The following ELAPOR1 variants were observed in gnomAD, a reference collection of about 807,000 sequenced individuals.
ELAPOR1 encodes endosome/lysosome-associated apoptosis and autophagy regulator 1.
In ELAPOR1, 77 loss-of-function variants were observed where a neutral mutation model predicts 119.7. The ratio of observed to expected loss-of-function variants is 0.64; its 90% confidence interval spans 0.54 to 0.78. ELAPOR1 has a LOEUF of 0.78. ELAPOR1 is among the 30% of genes least tolerant of loss of function. The pLI is 0.00. For synonymous variants in ELAPOR1, 481 were observed against 487.2 expected (o/e 0.99, Z 0.17); for missense variants, 1,115 against 1,270.4 (o/e 0.88, Z 1.86).
intron 7 of ELAPOR1, among the ~76,000 whole-genome samples, chr1:109,174,113 A>C (rs557404629): frequency 9.2e-5 from 14 of 151,402 alleles, no homozygotes; most frequent in Admixed American, 3.3e-4. Context: ...CCCTGTCCCA[A>C]GCAATCCTCC....
intron 1 of ELAPOR1, among the ~76,000 whole-genome samples, chr1:109,147,072 A>ATTTTTTT (rs35132655): frequency 7.1e-6 from 1 of 141,256 alleles, no homozygotes; most frequent in Non-Finnish European, 1.5e-5. Flanking sequence ...CGCCTGGCTA[A>ATTTTTTT]TTTTTTTTTT....
chr1:109,199,430 T>C (rs1654024102), intron 18 of ELAPOR1, among the ~76,000 whole-genome samples: 1 of 152,148 alleles, frequency 6.6e-6, no homozygotes, highest in Non-Finnish European at 1.5e-5. Flanking sequence ...GTAAAGTACA[T>C]AACAGGTATC....
rs12021832 is a variant in ELAPOR1, at chr1:109,206,102, C to T, written c.*3090C>T. On this transcript the variant is annotated 3_prime_UTR_variant, in exon 22 of 22. Transcript: ENST00000369939. ...TGATCTTGGCTCACTGCAGCCTCCCCATCCTGGGTTCAAGTGATCCTTCTG... is the reference window on the plus strand; with the variant it reads ...TGATCTTGGCTCACTGCAGCCTCCCTATCCTGGGTTCAAGTGATCCTTCTG... The T allele has an allele frequency of 0.19, 29,189 of 151,984 alleles. 3,113 individuals carry two copies. Among genetic ancestry groups the T allele is most frequent in the East Asian group, 0.45 (2,311 of 5,144 alleles). The allele number at this position is 151,984 out of a possible 1,614,324, so 9.4% of individuals were successfully genotyped here. A position where few individuals can be genotyped will look rare whatever the true frequency, so the allele number is the denominator to read the frequency against.
intron 7 of ELAPOR1, among the ~76,000 whole-genome samples, chr1:109,182,340 AATAATAAT>A (rs1652749659): frequency 1.5e-4 from 1 of 6,742 alleles, no homozygotes; most frequent in Non-Finnish European, 5.5e-4. Flanking sequence ...AAAAAATAAT[AATAATAAT>A]AATAATAATA....
chr1:109,191,248 G>A (rs892479823), intron 11 of ELAPOR1, 118 bp from the exon 12 acceptor site: 17 of 660,472 alleles, frequency 2.6e-5, no homozygotes, highest in East Asian at 1.4e-4. Flanking sequence ...TAGTCCACAC[G>A]CTTTCCATCA....
chr1:109,133,531 C>G (rs944039600), intron 1 of ELAPOR1, among the ~76,000 whole-genome samples: 1 of 152,152 alleles, frequency 6.6e-6, no homozygotes, highest in Admixed American at 6.5e-5. Context: ...CAATTAGTTA[C>G]TATGGTTACT....
chr1:109,171,806 T>A, intron 3 of ELAPOR1, 60 bp from the exon 4 acceptor site: 1 of 1,574,272 alleles, frequency 6.4e-7, no homozygotes, highest in Non-Finnish European at 8.7e-7. Flanking sequence ...GACCTGCACA[T>A]GGCACAAAGC....
chr1:109,182,544 A>G (rs1454993886), intron 7 of ELAPOR1, among the ~76,000 whole-genome samples: 2 of 152,044 alleles, frequency 1.3e-5, no homozygotes, highest in Non-Finnish European at 2.9e-5. Context: ...ATGATGAAGC[A>G]GGATCCAAAC....
chr1:109,182,705 A>G (rs1257224437), intron 7 of ELAPOR1, among the ~76,000 whole-genome samples: 1 of 151,956 alleles, frequency 6.6e-6, no homozygotes, highest in Admixed American at 6.6e-5. Flanking sequence ...GTCTCTACTA[A>G]AAATACAAAA....
In ELAPOR1 at chr1:109,123,556, G is replaced by C. The variant is rs1226554063; in HGVS notation, c.153+9220G>C. Among the ~76,000 whole-genome samples, 5 of 152,282 alleles carry C rather than the reference G, an allele frequency of 3.3e-5. No individual in the cohort carries two copies. The East Asian group carries it at 9.7e-4, about 29-fold the overall frequency. ...GCATACAAAGTGTTGATTTGAATGAGATGAACTTTAAATTTCTCTATTCCC... is the reference window on the plus strand; with the variant it reads ...GCATACAAAGTGTTGATTTGAATGACATGAACTTTAAATTTCTCTATTCCC... On this transcript the variant is annotated intron_variant, in intron 1 of 21. Transcript: ENST00000369939.
chr1:109,185,172 G>A (rs763149677), intron 8 of ELAPOR1, 39 bp downstream of exon 8: 10 of 1,479,918 alleles, frequency 6.8e-6, no homozygotes, highest in Non-Finnish European at 7.6e-6. Flanking sequence ...GCCCCAGATG[G>A]ACTGTCTCCC....
At chr1:109,191,104 C>T (rs539046277) in intron 11 of ELAPOR1, among the ~76,000 whole-genome samples, 10 of 152,244 alleles carry the variant, frequency 6.6e-5, no homozygotes, top group African/African-American at 1.9e-4. Flanking sequence ...ACCGCCACAT[C>T]TGTCATGCCT....
chr1:109,156,320 T>C (rs1311637031), intron 1 of ELAPOR1, among the ~76,000 whole-genome samples: 1 of 152,108 alleles, frequency 6.6e-6, no homozygotes, highest in Non-Finnish European at 1.5e-5. Context: ...AAAATAAAAT[T>C]GTGGTAAAAT....
chr1:109,155,186 T>C (rs1355593393), intron 1 of ELAPOR1, among the ~76,000 whole-genome samples: 1 of 149,524 alleles, frequency 6.7e-6, no homozygotes, highest in African/African-American at 2.6e-5. Context: ...TATATATATA[T>C]ATTTTTTTGA....
chr1:109,189,018 A>G (rs756495135), intron 9 of ELAPOR1, 48 bp from the exon 10 acceptor site: 3 of 1,603,208 alleles, frequency 1.9e-6, no homozygotes, highest in Non-Finnish European at 2.6e-6. Context: ...AGTCAGAGTG[A>G]CTGCAGCCTT....
In ELAPOR1 at chr1:109,200,206, T is replaced by C. The variant is rs749870726; in HGVS notation, c.2776T>C (p.Leu926=). The C allele has an allele frequency of 1.9e-6, 3 of 1,614,220 alleles. No individual in the cohort carries two copies. Among genetic ancestry groups the C allele is most frequent in the Non-Finnish European group, 2.5e-6 (3 of 1,180,036 alleles). ...CTGTACTGCCATCCTGCTCACCGTC[T>C]TGACCTGCTACTTTTGGAAAAAGAA... is the stretch of plus-strand genomic sequence containing the variant. The part of the protein sequence containing the change: ...GTCTAILLTV[L]TCYFWKKNQK... The change falls in exon 20 of 22, where the codon TTG becomes CTG. Residue 926 remains leucine, a synonymous_variant. Transcript: ENST00000369939.
At chr1:109,172,035 AG>A (rs761075384) in intron 4 of ELAPOR1, 22 bp downstream of exon 4, 8 of 1,613,944 alleles carry the variant, frequency 5.0e-6, no homozygotes, top group Non-Finnish European at 6.8e-6. Context: ...GCCAAGGTGG[AG>A]GGTGGGAGCT....
chr1:109,144,178 G>A (rs1650037484), intron 1 of ELAPOR1, among the ~76,000 whole-genome samples: 1 of 149,026 alleles, frequency 6.7e-6, no homozygotes, highest in South Asian at 2.1e-4. Flanking sequence ...TCCTGCCTCA[G>A]CCTCTCGAGT....
At chr1:109,168,548 G>T (rs1438049749) in intron 3 of ELAPOR1, among the ~76,000 whole-genome samples, 1 of 152,182 alleles carries the variant, frequency 6.6e-6, no homozygotes, top group Non-Finnish European at 1.5e-5. Flanking sequence ...CAGGGCTAAG[G>T]TACTGGCCTG....
Sources: gnomAD v4.1 joint callset for allele counts (sites outside exome capture counted in the v4.1 genomes callset) on GRCh38, gnomAD v4.1.1 for gene constraint, MANE v1.5 for transcripts, NCBI Gene and HGNC (gene_info 2026-07-23, HGNC 2026-07-21) for gene names.